Variants in LRP1 observed in about 807,000 individuals in gnomAD.
LRP1 encodes LDL receptor related protein 1.
In LRP1, 51 loss-of-function variants were observed where a neutral mutation model predicts 541.5. The observed-to-expected ratio is 0.09, with a 90% CI of 0.08 to 0.12. The LOEUF (loss-of-function observed/expected upper bound fraction) is 0.12, where lower values mean the gene tolerates loss of function less well. LRP1 is among the 10% of genes least tolerant of loss of function. The pLI, the probability that LRP1 is intolerant of heterozygous loss-of-function variation, is 1.00. For synonymous variants in LRP1, 2,219 were observed against 2,470.8 expected, an observed-to-expected ratio of 0.90 and a Z score of 3.02; for missense variants, 3,878 against 6,376.2, an observed-to-expected ratio of 0.61 and a Z score of 13.34.
Position 57,204,245 on chromosome 12 carries a change from G to T in LRP1, c.10952-165G>T. The T allele has an allele frequency of 1.3e-6, 1 of 752,622 alleles. No homozygotes were observed. Among genetic ancestry groups the T allele is most frequent in the South Asian group, 2.8e-5 (1 of 36,044 alleles). 46.6% of individuals were successfully genotyped at this position (752,622 alleles called of 1,614,324 possible). A position where few individuals can be genotyped will look rare whatever the true frequency, so the allele number is the denominator to read the frequency against. ...GCCTCTTCTCCCCTAAATACCAGAG[G>T]GGGCAGTTTGGCCCCACCAAGTAGA... On this transcript the variant is annotated intron_variant, in intron 70 of 88. Coordinates refer to ENST00000243077, the MANE Select transcript of LRP1 (RefSeq NM_002332.3). The surrounding 1 kb of genome is among the most constrained non-coding windows in gnomAD (Gnocchi z 5.3).
Position 57,211,273 on chromosome 12 carries a change from G to A in LRP1, c.13014G>A (p.Arg4338=). Residue 4338 remains arginine (R), a synonymous_variant, in exon 84 of 89, where the codon AGG becomes AGA. Coordinates refer to ENST00000243077, the MANE Select transcript of LRP1 (RefSeq NM_002332.3). The surrounding 1 kb of genome is among the most constrained non-coding windows in gnomAD (Gnocchi z 4.3). ...CRCTAYFEGS[R]CEVNKCSRCL... Reference sequence around the variant, plus strand: ...GCACTGCCTACTTTGAGGGATCGAGGTGTGAGGTGAACAAGTGCAGCCGCT... The same window carrying A: ...GCACTGCCTACTTTGAGGGATCGAGATGTGAGGTGAACAAGTGCAGCCGCT... 6.2e-7 allele frequency: 1 copy of A among 1,614,220 alleles called. No homozygotes were observed. The highest frequency in any genetic ancestry group is 1.1e-5 in the South Asian group (1 of 91,084).
At position 57,183,961 on chromosome 12, in the gene LRP1, A is replaced by G. The variant is rs756587022; in HGVS notation, c.5929+52A>G. 2 of 1,610,510 alleles carry G rather than the reference A, an allele frequency of 1.2e-6. No homozygotes were observed. Among genetic ancestry groups the G allele is most frequent in the South Asian group, 2.2e-5 (2 of 90,816 alleles). ...TTGGGGTGTGGCAGAGGACTGGGGG[A>G]CGAAGTGAGAGGAGGAGTTGGCGGG... On this transcript the variant is annotated intron_variant, in intron 36 of 88. Coordinates refer to ENST00000243077, the MANE Select transcript of LRP1 (RefSeq NM_002332.3). This position sits in a 1 kb window ranked among gnomAD's most constrained non-coding sequence, Gnocchi z 6.1.
At position 57,169,266 on chromosome 12, in the gene LRP1, G is replaced by A; in HGVS notation, c.3122G>A (p.Gly1041Glu). The change falls in exon 20 of 89, where the codon GGA becomes GAA. Residue 1041 changes from glycine to glutamate, a missense_variant. This residue lies in a region of LRP1 where 320 missense variants were observed against 547.9 expected (regional missense o/e 0.58). Coordinates refer to ENST00000243077, the MANE Select transcript of LRP1 (RefSeq NM_002332.3). ...ACCTGCGATGGGGACAATGACTGCG[G>A]AGACTACAGTGATGAGACACACGCC... The part of the protein sequence containing the change: ...HWTCDGDNDC[G>E]DYSDETHANC... 6.2e-7 allele frequency: 1 copy of A among 1,613,724 alleles called. No individual in the cohort carries two copies. The highest frequency in any genetic ancestry group is 8.5e-7 in the Non-Finnish European group (1 of 1,179,884).
rs990497481 is a variant in LRP1 at position 57,145,072 on chromosome 12, G to A, written c.549G>A (p.Pro183=). ...GTGTTGAAGGATACCTCCTGCAGCCGGATAACCGCTCCTGCAAGGCCAAGA... is the reference window on the plus strand; with the variant it reads ...GTGTTGAAGGATACCTCCTGCAGCCAGATAACCGCTCCTGCAAGGCCAAGA... ...CGCVEGYLLQ[P]DNRSCKAKNE... Residue 183 remains proline (P), a synonymous_variant, in exon 5 of 89, where the codon CCG becomes CCA. Transcript: ENST00000243077. The A allele has an allele frequency of 6.2e-6, 10 of 1,613,816 alleles. No homozygotes were observed. The highest frequency in any genetic ancestry group is 1.3e-5 in the African/African-American group (1 of 74,900).
chr12:57,188,265 C>G (rs1035162006), intron 42 of LRP1, among the ~76,000 whole-genome samples: 2 of 152,234 alleles, frequency 1.3e-5, no homozygotes, highest in African/African-American at 4.8e-5. Context: ...GCCACCCCCT[C>G]GCCTTAGGGA....
In LRP1 at chr12:57,200,281, C is replaced by G. The variant is rs1165978237; in HGVS notation, c.10015-161C>G. 3.3e-5 allele frequency: 22 copies of G among 659,036 alleles called. No homozygotes were observed. The Admixed American group carries it at 4.4e-4, about 13-fold the overall frequency. 40.8% of individuals were successfully genotyped at this position (659,036 alleles called of 1,614,324 possible). Reference sequence around the variant, plus strand: ...GCTGCCTTCCCCACCCTATCCCACGCAGCCCCATACCTGGCCTTTCCGAAC... The same window carrying G: ...GCTGCCTTCCCCACCCTATCCCACGGAGCCCCATACCTGGCCTTTCCGAAC... On this transcript the variant is annotated intron_variant, in intron 62 of 88. Transcript: ENST00000243077.
At position 57,149,723 on chromosome 12, in the gene LRP1, C is replaced by G. The variant is rs752240731; in HGVS notation, c.841+4233C>G. 5.5e-6 allele frequency: 4 copies of G among 732,840 alleles called. No homozygotes were observed. The South Asian group carries it at 5.8e-5, about 11-fold the overall frequency. 45.4% of individuals were successfully genotyped at this position (732,840 alleles called of 1,614,324 possible). ...CCCAGGAGAACGAGGTGACACAACACGGCTAAGCTCCAGACTGGCTGGTGG... is the reference window on the plus strand; with the variant it reads ...CCCAGGAGAACGAGGTGACACAACAGGGCTAAGCTCCAGACTGGCTGGTGG... On this transcript the variant is annotated intron_variant, in intron 6 of 88. Transcript: ENST00000243077.
At position 57,149,867 on chromosome 12, in the gene LRP1, C is replaced by T. The variant is rs544998166; in HGVS notation, c.842-4341C>T. ...TTCCCACCTTCGAAGTCCTCAGACT[C>T]TCCGCCATCTCTCCCAGGCCCAGGC... On this transcript the variant is annotated intron_variant, in intron 6 of 88. Transcript: ENST00000243077. 21 of 657,366 alleles carry T rather than the reference C, an allele frequency of 3.2e-5. No individual in the cohort carries two copies. The East Asian group carries it at 5.4e-4, about 17-fold the overall frequency. The allele number at this position is 657,366 out of a possible 1,614,324, so 40.7% of individuals were successfully genotyped here. A position where few individuals can be genotyped will look rare whatever the true frequency, so the allele number is the denominator to read the frequency against.
chr12:57,149,975 G>A, intron 6 of LRP1: 2 of 542,192 alleles, frequency 3.7e-6, no homozygotes, highest in South Asian at 4.8e-5. Context: ...CAGGATCCTG[G>A]CAGTAGAAGA....
chr12:57,200,787 C>T lies in LRP1; in HGVS notation c.10197C>T (p.Cys3399=). 2 of 1,613,862 alleles carry T rather than the reference C, an allele frequency of 1.2e-6. No homozygotes were observed. Among genetic ancestry groups the T allele is most frequent in the East Asian group, 4.5e-5 (2 of 44,890 alleles). The change falls in exon 64 of 89, where the codon TGC becomes TGT. Residue 3399 remains cysteine (C), a synonymous_variant. Transcript: ENST00000243077. Reference sequence around the variant, plus strand: ...TCATCTGCGATGGCGACAATGACTGCCAGGACAACAGTGACGAGGCCAACT... The same window carrying T: ...TCATCTGCGATGGCGACAATGACTGTCAGGACAACAGTGACGAGGCCAACT... ...PAFICDGDND[C]QDNSDEANCD...
chr12:57,133,379 G>A (rs762647908), intron 1 of LRP1, among the ~76,000 whole-genome samples: 3 of 151,996 alleles, frequency 2.0e-5, no homozygotes, highest in Non-Finnish European at 2.9e-5. Flanking sequence ...GAATGGAAGC[G>A]GAGACCCTTC....
intron 1 of LRP1, 134 bp from the exon 2 acceptor site, chr12:57,138,325 A>T: frequency 9.4e-7 from 1 of 1,069,160 alleles, no homozygotes; most frequent in Non-Finnish European, 1.4e-6. Context: ...ACCCCCAGGC[A>T]CATAGACCAT....
chr12:57,204,316 G>A lies in LRP1; in HGVS notation c.10952-94G>A. The A allele has an allele frequency of 1.4e-5, 19 of 1,374,828 alleles. No homozygotes were observed. The highest frequency in any genetic ancestry group is 1.7e-5 in the Non-Finnish European group (18 of 1,039,098). 85.2% of individuals were successfully genotyped at this position (1,374,828 alleles called of 1,614,324 possible). A position where few individuals can be genotyped will look rare whatever the true frequency, so the allele number is the denominator to read the frequency against. On this transcript the variant is annotated intron_variant, in intron 70 of 88. Transcript: ENST00000243077. The surrounding 1 kb of genome is among the most constrained non-coding windows in gnomAD (Gnocchi z 5.3). ...AATTTGGCTGTGCCACTGCTTGCCTGGTGACCCCTCTGAGCCTGGAACCCC... is the reference window on the plus strand; with the variant it reads ...AATTTGGCTGTGCCACTGCTTGCCTAGTGACCCCTCTGAGCCTGGAACCCC...
At position 57,173,297 on chromosome 12, in the gene LRP1, A is replaced by G; in HGVS notation, c.3293A>G (p.Glu1098Gly). 1 of 1,614,096 alleles carries G rather than the reference A, an allele frequency of 6.2e-7. No homozygotes were observed. The change falls in exon 21 of 89, where the codon GAG (glutamate) becomes GGG (glycine). Residue 1098 changes from glutamate (E) to glycine (G), a missense_variant. By Grantham distance (98) the Glu-to-Gly change is moderately conservative. Coordinates refer to ENST00000243077, the MANE Select transcript of LRP1 (RefSeq NM_002332.3). The surrounding 1 kb of genome is among the most constrained non-coding windows in gnomAD (Gnocchi z 4.7). ...GACTCCAGCGATGAGAAGAGCTGTG[A>G]GGGAGTGACCCACGTCTGCGATCCC... ...CMDSSDEKSC[E>G]GVTHVCDPSV...
At chr12:57,174,919 A>C (rs2036013493) in intron 22 of LRP1, among the ~76,000 whole-genome samples, 1 of 152,192 alleles carries the variant, frequency 6.6e-6, no homozygotes, top group Admixed American at 6.5e-5. Flanking sequence ...CAGAGCCCCC[A>C]GTTCCTTGGA....
In LRP1 at chr12:57,193,428, T is replaced by A; in HGVS notation, c.7684+124T>A. On this transcript the variant is annotated intron_variant, in intron 46 of 88. Transcript: ENST00000243077. ...CCTGACCATGAGTTTTGGGAGCTCATGAAGGGCAGAACCACTGTTAGCCTG... is the reference window on the plus strand; with the variant it reads ...CCTGACCATGAGTTTTGGGAGCTCAAGAAGGGCAGAACCACTGTTAGCCTG... 4.0e-6 allele frequency: 6 copies of A among 1,509,804 alleles called. No individual in the cohort carries two copies. In the South Asian group the frequency reaches 6.1e-5, roughly 15 times the overall value. The allele number at this position is 1,509,804 out of a possible 1,614,324, so 93.5% of individuals were successfully genotyped here. A position where few individuals can be genotyped will look rare whatever the true frequency, so the allele number is the denominator to read the frequency against.
In LRP1 at chr12:57,204,024, G is replaced by A. The variant is rs940273278; in HGVS notation, c.10952-386G>A. On this transcript the variant is annotated intron_variant, in intron 70 of 88. Coordinates refer to ENST00000243077, the MANE Select transcript of LRP1 (RefSeq NM_002332.3). This position sits in a 1 kb window ranked among gnomAD's most constrained non-coding sequence, Gnocchi z 5.3. ...CTGTGCGGGCAGATGTCTTGGCTCT[G>A]CCTTGGTAGGCCAGGCACAGGGATG... The A allele has an allele frequency of 4.9e-6, 1 of 203,916 alleles. No individual in the cohort carries two copies. Among genetic ancestry groups the A allele is most frequent in the Non-Finnish European group, 9.8e-6 (1 of 102,334 alleles). 12.6% of individuals were successfully genotyped at this position (203,916 alleles called of 1,614,324 possible).
In LRP1 at chr12:57,179,202, G is replaced by T. The variant is rs1403510340; in HGVS notation, c.4739-127G>T. 1.7e-6 allele frequency: 2 copies of T among 1,166,884 alleles called. No homozygotes were observed. Among genetic ancestry groups the T allele is most frequent in the East Asian group, 5.1e-5 (2 of 39,254 alleles). 72.3% of individuals were successfully genotyped at this position (1,166,884 alleles called of 1,614,324 possible). A position where few individuals can be genotyped will look rare whatever the true frequency, so the allele number is the denominator to read the frequency against. ...TCTGCCAGGGGGGCTGCACCCAGCG[G>T]GGTATGTCCACGGAGCCAAGGGCCA... On this transcript the variant is annotated intron_variant, in intron 28 of 88. Coordinates refer to ENST00000243077, the MANE Select transcript of LRP1 (RefSeq NM_002332.3). The surrounding 1 kb of genome is among the most constrained non-coding windows in gnomAD (Gnocchi z 6.8).
Position 57,210,110 on chromosome 12 carries a change from G to C in LRP1, c.12521G>C (p.Gly4174Ala). ...GGGCCTGTCTGCACCTGTCCCAATGGGAAGCGGCTGGACAACGGCACATGC... is the reference window on the plus strand; with the variant it reads ...GGGCCTGTCTGCACCTGTCCCAATGCGAAGCGGCTGGACAACGGCACATGC... ...PSGPVCTCPNGKRLDNGTCVP... is the reference protein window; with the variant it reads ...PSGPVCTCPNAKRLDNGTCVP... Residue 4174 changes from glycine (G) to alanine (A), a missense_variant, in exon 81 of 89, where the codon GGG becomes GCG. By Grantham distance (60) the Gly-to-Ala change is moderately conservative. This residue lies in a region of LRP1 where 871 missense variants were observed against 1,212.4 expected (regional missense o/e 0.72). Transcript: ENST00000243077. The C allele has an allele frequency of 1.2e-6, 2 of 1,613,510 alleles. No homozygotes were observed. Among genetic ancestry groups the C allele is most frequent in the Non-Finnish European group, 1.7e-6 (2 of 1,179,774 alleles).
Sources: allele counts gnomAD v4.1 joint callset (sites outside exome capture counted in the v4.1 genomes callset), GRCh38; gene constraint gnomAD v4.1.1; regional missense constraint gnomAD v4.1.1; non-coding constraint Gnocchi (gnomAD v3.1); transcripts MANE v1.5; gene names NCBI Gene and HGNC (gene_info 2026-07-23, HGNC 2026-07-21).